Variants in HTR4 observed in about 807,000 individuals in gnomAD.
HTR4 encodes 5-hydroxytryptamine (serotonin) receptor 4, G protein-coupled.
In HTR4, 16 loss-of-function variants were observed where a neutral mutation model predicts 36.8. The observed-to-expected ratio is 0.43, with a 90% confidence interval of 0.29 to 0.66. The LOEUF (loss-of-function observed/expected upper bound fraction) is 0.66, where lower values mean the gene tolerates loss of function less well. Among genes scored for constraint, HTR4 ranks in the 30% least tolerant of loss-of-function variants. HTR4 has a pLI of 0.13. For synonymous variants in HTR4, 189 were observed against 185.1 expected (o/e 1.02, Z -0.17); for missense variants, 438 against 490.9 (o/e 0.89, Z 1.02).
downstream of HTR4, among the ~76,000 whole-genome samples, chr5:148,476,362 G>A (rs1755694061): frequency 6.6e-6 from 1 of 152,074 alleles, no homozygotes; most frequent in Non-Finnish European, 1.5e-5. Context: ...TCAATAGACA[G>A]GACCAAAAGA....
chr5:148,533,032 A>G (rs375753477), intron 4 of HTR4, among the ~76,000 whole-genome samples: 22 of 152,188 alleles, frequency 1.4e-4, no homozygotes, highest in African/African-American at 5.1e-4. Context: ...GTCCATCGTA[A>G]TCAATATTGC....
intron 4 of HTR4, among the ~76,000 whole-genome samples, chr5:148,540,977 T>C (rs1759092115): frequency 1.3e-5 from 2 of 152,212 alleles, no homozygotes; most frequent in South Asian, 2.1e-4. Flanking sequence ...ATAGTCCTTG[T>C]GGCTAACATT....
At chr5:148,637,961 T>C (rs1444452142) in intron 1 of HTR4, among the ~76,000 whole-genome samples, 1 of 152,220 alleles carries the variant, frequency 6.6e-6, no homozygotes, top group Non-Finnish European at 1.5e-5. Context: ...AAATAATCTC[T>C]GAGTTCACTC....
intron 4 of HTR4, among the ~76,000 whole-genome samples, chr5:148,534,984 C>T (rs896766516): frequency 6.6e-6 from 1 of 152,100 alleles, no homozygotes; most frequent in African/African-American, 2.4e-5. Context: ...GAACCCACAC[C>T]TTCAGAGCAT....
chr5:148,542,520 G>A lies in HTR4; in HGVS notation c.353+6148C>T, dbSNP rs571590409. On this transcript the variant is annotated intron_variant, in intron 4 of 6. Transcript: ENST00000377888. ...TAAGAAACTGTTGGAGAATTTTGCC[G>A]ATAAAACACATCAAATTTTTGAGCT... Among the ~76,000 whole-genome samples, 13 of 152,248 alleles carry A rather than the reference G, an allele frequency of 8.5e-5. No individual in the cohort carries two copies. In the South Asian group the frequency reaches 1.0e-3, roughly 12 times the overall value.
chr5:148,539,352 A>G (rs1758993231), intron 4 of HTR4, among the ~76,000 whole-genome samples: 1 of 152,334 alleles, frequency 6.6e-6, no homozygotes, highest in Non-Finnish European at 1.5e-5. Context: ...AAGCAATCAC[A>G]ACAAAAGCAA....
At chr5:148,455,134 A>G (rs1469565990) in intron 5 of HTR4, among the ~76,000 whole-genome samples, 1 of 152,178 alleles carries the variant, frequency 6.6e-6, no homozygotes, top group East Asian at 1.9e-4. Flanking sequence ...TTTTATACTC[A>G]CTAAGTGGCA....
intron 2 of HTR4, among the ~76,000 whole-genome samples, chr5:148,567,712 G>A (rs547918614): frequency 8.6e-5 from 13 of 151,982 alleles, no homozygotes; most frequent in Non-Finnish European, 2.9e-5. Context: ...TATCCACTAG[G>A]TTCCCTTTTT....
chr5:148,578,766 A>G (rs187906626), intron 2 of HTR4, among the ~76,000 whole-genome samples: 179 of 152,214 alleles, frequency 1.2e-3, no homozygotes, highest in African/African-American at 4.1e-3. Context: ...GGATTCCATG[A>G]GTAAAGTCAT....
At chr5:148,457,859 A>G (rs1371282571) in intron 5 of HTR4, among the ~76,000 whole-genome samples, 1 of 140,500 alleles carries the variant, frequency 7.1e-6, no homozygotes, top group Non-Finnish European at 1.5e-5. Flanking sequence ...AAAATATCAT[A>G]TATTTTGATA....
intron 2 of HTR4, among the ~76,000 whole-genome samples, chr5:148,607,622 T>C (rs1006336839): frequency 6.6e-6 from 1 of 152,198 alleles, no homozygotes; most frequent in African/African-American, 2.4e-5. Context: ...ATGGAGCATG[T>C]GACCCAGTCC....
chr5:148,615,708 G>GAAAT (rs1249504677), intron 2 of HTR4, among the ~76,000 whole-genome samples: 1 of 145,424 alleles, frequency 6.9e-6, no homozygotes, highest in Non-Finnish European at 1.5e-5. Context: ...AAGAAAGAAA[G>GAAAT]AAATAAAATA....
At chr5:148,576,120 A>AAAAAAAAAC (rs1581497887) in intron 2 of HTR4, among the ~76,000 whole-genome samples, 5 of 130,846 alleles carry the variant, frequency 3.8e-5, no homozygotes, top group African/African-American at 1.1e-4. Flanking sequence ...CAAAAAAAAA[A>AAAAAAAAAC]AAAAAAAAAA....
chr5:148,521,314 G>A (rs919448346), intron 5 of HTR4, among the ~76,000 whole-genome samples: 1 of 152,134 alleles, frequency 6.6e-6, no homozygotes, highest in African/African-American at 2.4e-5. Context: ...ATTATTCTGG[G>A]TGTGTCTTCG....
rs536252120 is a variant in HTR4, at chr5:148,556,614, A to C, written c.27-6352T>G. On this transcript the variant is annotated intron_variant, in intron 2 of 6. Transcript: ENST00000377888. ...AATGCACAATTAAATAAATAAATAC[A>C]GTTTGTGATCAGTTCTTCCCAGTTC... Among the ~76,000 whole-genome samples the C allele has an allele frequency of 4.6e-5, 7 of 152,328 alleles. 1 individual carries two copies. The highest frequency in any genetic ancestry group is 1.7e-4 in the African/African-American group (7 of 41,580).
intron 5 of HTR4, among the ~76,000 whole-genome samples, chr5:148,460,279 C>T (rs887741980): frequency 6.6e-6 from 1 of 151,966 alleles, no homozygotes; most frequent in Admixed American, 6.6e-5. Flanking sequence ...AGATGCCAAA[C>T]TATAGATCCA....
At chr5:148,554,351 A>G (rs1276983271) in intron 2 of HTR4, among the ~76,000 whole-genome samples, 1 of 152,196 alleles carries the variant, frequency 6.6e-6, no homozygotes, top group African/African-American at 2.4e-5. Context: ...CTGGGATTAC[A>G]GGCATGAGCC....
intron 2 of HTR4, among the ~76,000 whole-genome samples, chr5:148,606,115 G>C (rs1282618530): frequency 6.6e-6 from 1 of 152,136 alleles, no homozygotes. Context: ...GATTAATTTG[G>C]AATTGCAGAG....
chr5:148,519,761 A>G (rs1023935732), intron 5 of HTR4, among the ~76,000 whole-genome samples: 7 of 152,192 alleles, frequency 4.6e-5, no homozygotes, highest in African/African-American at 1.7e-4. Flanking sequence ...TTTCACTTCA[A>G]CAAGTGTCCT....
Sources: allele counts gnomAD v4.1 joint callset (sites outside exome capture counted in the v4.1 genomes callset), GRCh38; gene constraint gnomAD v4.1.1; transcripts MANE v1.5; gene names NCBI Gene and HGNC (gene_info 2026-07-23, HGNC 2026-07-21).